ZNF329: variants seen among roughly 807,000 people sequenced by gnomAD.
ZNF329 encodes the protein zinc finger protein 329.
A neutral mutation model predicts 26.6 loss-of-function variants in ZNF329; 15 were observed. The observed-to-expected ratio is 0.56, with a 90% confidence interval of 0.38 to 0.87. ZNF329 has a LOEUF of 0.87. Among genes scored for constraint, ZNF329 ranks in the 40% least tolerant of loss-of-function variants. The pLI is 0.00. For missense variants in ZNF329, 651 were observed against 651.9 expected, an observed-to-expected ratio of 1.00 and a Z score of 0.02; for synonymous variants, 239 against 233.5, an observed-to-expected ratio of 1.02 and a Z score of -0.21.
Position 58,128,432 on chromosome 19 carries a change from G to A in ZNF329, c.1072C>T (p.Leu358Phe), listed in dbSNP as rs773198942. 4.3e-6 allele frequency: 7 copies of A among 1,613,766 alleles called. No individual in the cohort carries two copies. In the South Asian group the frequency reaches 7.7e-5, roughly 18 times the overall value. ...GTGTGAGTCCTCTCATGCTGGGTGA[G>A]GTACGAGCCGTCCCGGAAAGCCTTT... ...CGKAFRDGSY[L>F]TQHERTHTGE... The change falls in exon 4 of 4, where the codon CTC becomes TTC. Residue 358 changes from leucine to phenylalanine, a missense_variant. Leu to Phe is a conservative substitution (Grantham distance 22). Transcript: ENST00000598312.
intron 1 of ZNF329, among the ~76,000 whole-genome samples, chr19:58,146,405 T>A (rs943117383): frequency 6.6e-6 from 1 of 151,842 alleles, no homozygotes; most frequent in African/African-American, 2.4e-5. Context: ...GCCTGGGAAG[T>A]AGAGGTTGCA....
intron 3 of ZNF329, among the ~76,000 whole-genome samples, chr19:58,133,094 G>A (rs1246187257): frequency 6.6e-6 from 1 of 152,202 alleles, no homozygotes. Context: ...TTACAGGCGT[G>A]AGCCACCGCG....
chr19:58,150,964 G>A (rs1281066738), upstream of ZNF329, among the ~76,000 whole-genome samples: 2 of 152,266 alleles, frequency 1.3e-5, no homozygotes, highest in Admixed American at 1.3e-4. Context: ...TTTTTAACCC[G>A]ATGCTATCAT....
At chr19:58,140,494 G>A (rs1176774340) in intron 3 of ZNF329, among the ~76,000 whole-genome samples, 2 of 147,448 alleles carry the variant, frequency 1.4e-5, no homozygotes, top group East Asian at 4.0e-4. Context: ...CTCACTGCAA[G>A]CTCCGTCTCC....
In ZNF329 at chr19:58,129,008, T is replaced by A; in HGVS notation, c.496A>T (p.Lys166Ter). 1.2e-6 allele frequency: 2 copies of A among 1,613,106 alleles called. No homozygotes were observed. The highest frequency in any genetic ancestry group is 1.7e-6 in the Non-Finnish European group (2 of 1,179,310). The change falls in exon 4 of 4, where the codon AAA becomes TAA. Residue 166 changes from lysine (K) to a stop codon, truncating the protein, a stop_gained. Transcript: ENST00000598312. LOFTEE classifies it high-confidence loss of function. ...FNHFTSLGHQ[K>*]IMKRGKKSYE... ...GATTTCTTGCCTCTTTTCATTATTT[T>A]CTGATGACCAAGAGAGGTAAAATGA...
chr19:58,132,679 GAA>G (rs1024028960), intron 3 of ZNF329: 3,815 of 87,114 alleles, frequency 0.044, 171 homozygotes, highest in African/African-American at 0.14. Context: ...GACTCCGTCT[GAA>G]AAAAAAAAAA....
chr19:58,132,081 T>C (rs575561442), intron 3 of ZNF329, among the ~76,000 whole-genome samples: 36 of 152,030 alleles, frequency 2.4e-4, no homozygotes, highest in African/African-American at 8.7e-4. Context: ...AATATTTATT[T>C]TCTCATTCTA....
chr19:58,139,518 TGC>T (rs985316633), intron 3 of ZNF329, among the ~76,000 whole-genome samples: 6 of 152,196 alleles, frequency 3.9e-5, no homozygotes, highest in Non-Finnish European at 8.8e-5. Flanking sequence ...CTTCTCAGTG[TGC>T]CTTCACAGGG....
chr19:58,146,125 A>G (rs1250325462), intron 1 of ZNF329, among the ~76,000 whole-genome samples: 1 of 152,148 alleles, frequency 6.6e-6, no homozygotes, highest in Admixed American at 6.6e-5. Context: ...CAAAAACCAT[A>G]CAAACTGTAT....
At chr19:58,130,939 T>C (rs1356492458) in intron 3 of ZNF329, among the ~76,000 whole-genome samples, 2 of 152,056 alleles carry the variant, frequency 1.3e-5, no homozygotes, top group Non-Finnish European at 2.9e-5. Context: ...TCTCAAAAAC[T>C]TCAAGCAATT....
At chr19:58,131,380 A>G (rs952485273) in intron 3 of ZNF329, among the ~76,000 whole-genome samples, 2 of 152,138 alleles carry the variant, frequency 1.3e-5, no homozygotes, top group Non-Finnish European at 2.9e-5. Flanking sequence ...GTGCCACTGC[A>G]TTCCAGATTG....
intron 1 of ZNF329, among the ~76,000 whole-genome samples, chr19:58,145,487 A>T (rs2146120041): frequency 6.6e-6 from 1 of 150,958 alleles, no homozygotes; most frequent in East Asian, 2.0e-4. Flanking sequence ...ATACCCAGCT[A>T]ATTTTTATAT....
chr19:58,150,506 C>T (rs2075426858), intron 1 of ZNF329, among the ~76,000 whole-genome samples: 1 of 152,252 alleles, frequency 6.6e-6, no homozygotes, highest in South Asian at 2.1e-4. Context: ...CCAGACCAGC[C>T]CCGGAGCGAC....
In ZNF329 at chr19:58,130,673, C is replaced by CAAA. The variant is rs11394563; in HGVS notation, c.-8-1165_-8-1163dup. Among the ~76,000 whole-genome samples the CAAA allele has an allele frequency of 4.8e-4, 42 of 88,026 alleles. 1 individual carries two copies. The highest frequency in any genetic ancestry group is 5.4e-4 in the Admixed American group (4 of 7,378). 57.7% of individuals were successfully genotyped at this position (88,026 alleles called of 152,430 possible). Reference sequence around the variant, plus strand: ...TGGGCCACAGAGCAAGACTCCGTCTCAAAAAAAAAAAAAAAAAAAAACTGG... The same window carrying CAAA: ...TGGGCCACAGAGCAAGACTCCGTCTCAAAAAAAAAAAAAAAAAAAAAAAACTGG... On this transcript the variant is annotated intron_variant, in intron 3 of 3. Transcript: ENST00000598312.
At chr19:58,152,075 C>A (rs2075465218), upstream of ZNF329, among the ~76,000 whole-genome samples, 2 of 152,114 alleles carry the variant, frequency 1.3e-5, no homozygotes, top group African/African-American at 4.8e-5. Flanking sequence ...AATTGTCACT[C>A]ACAATAGTGA....
chr19:58,133,544 C>T (rs1387297047), intron 3 of ZNF329, among the ~76,000 whole-genome samples: 1 of 151,362 alleles, frequency 6.6e-6, no homozygotes, highest in Non-Finnish European at 1.5e-5. Context: ...CTATGATTCA[C>T]TCCAGCCTGG....
At chr19:58,149,341 G>C (rs1055597590) in intron 1 of ZNF329, among the ~76,000 whole-genome samples, 1 of 152,072 alleles carries the variant, frequency 6.6e-6, no homozygotes, top group Non-Finnish European at 1.5e-5. Flanking sequence ...TAATAAGCTT[G>C]CTTTCACTTT....
At chr19:58,150,234 G>A (rs913924528) in intron 1 of ZNF329, among the ~76,000 whole-genome samples, 19 of 152,246 alleles carry the variant, frequency 1.2e-4, no homozygotes, top group Middle Eastern at 6.8e-3. Flanking sequence ...ATATCAAATG[G>A]AAAAACACAC....
At chr19:58,152,663 G>C (rs576524234), upstream of ZNF329, among the ~76,000 whole-genome samples, 1 of 152,196 alleles carries the variant, frequency 6.6e-6, no homozygotes, top group South Asian at 2.1e-4. Flanking sequence ...TTCAAGACCA[G>C]CCTGGCAAAC....
Sources: allele counts gnomAD v4.1 joint callset (sites outside exome capture counted in the v4.1 genomes callset), GRCh38; gene constraint gnomAD v4.1.1; transcripts MANE v1.5; gene names NCBI Gene and HGNC (gene_info 2026-07-23, HGNC 2026-07-21).